TSBP1: variants seen among roughly 807,000 people sequenced by gnomAD.
TSBP1 encodes testis-expressed basic protein 1.
A neutral mutation model predicts 68.8 loss-of-function variants in TSBP1; 56 were observed. The observed-to-expected ratio is 0.81, with a 90% CI of 0.66 to 1.02. The LOEUF is 1.02. Ranked by LOEUF, TSBP1 falls within the 50% of genes least tolerant of loss-of-function variation. The pLI is 0.00. For missense variants in TSBP1, 502 were observed against 641.2 expected (o/e 0.78, Z 2.34); for synonymous variants, 171 against 208.7 (o/e 0.82, Z 1.56).
chr6:32,355,263 G>T, intron 7 of TSBP1, 119 bp from the exon 8 acceptor site: 1 of 972,554 alleles, frequency 1.0e-6, no homozygotes, highest in Non-Finnish European at 1.6e-6. Flanking sequence ...GGCCCCGGGA[G>T]TCATCACTGA....
intron 9 of TSBP1, among the ~76,000 whole-genome samples, chr6:32,346,752 C>T (rs1771048063): frequency 6.6e-6 from 1 of 152,060 alleles, no homozygotes; most frequent in Non-Finnish European, 1.5e-5. Context: ...GCACAAGAAT[C>T]GCTTGAACCC....
intron 3 of TSBP1, 54 bp from the exon 4 acceptor site, chr6:32,368,011 T>C: frequency 5.7e-6 from 8 of 1,405,530 alleles, no homozygotes; most frequent in Non-Finnish European, 7.0e-6. Flanking sequence ...AAATGAGGCT[T>C]TATTTAAGAC....
intron 16 of TSBP1, 83 bp downstream of exon 17, chr6:32,330,506 G>A: frequency 1.6e-6 from 2 of 1,281,008 alleles, no homozygotes. Flanking sequence ...ACACATCTAG[G>A]GCATTTGAGA....
intron 1 of TSBP1, among the ~76,000 whole-genome samples, 168 bp downstream of exon 1, chr6:32,371,526 T>A (rs916213901): frequency 2.6e-5 from 4 of 152,026 alleles, no homozygotes; most frequent in Non-Finnish European, 4.4e-5. Flanking sequence ...GTGGGTTGTT[T>A]CCCCCAGGCT....
rs112790956 is a variant in TSBP1 at position 32,299,927 on chromosome 6, G to C, written c.632C>G (p.Pro211Arg). 2.6e-3 allele frequency: 4,200 copies of C among 1,609,560 alleles called. 12 individuals are homozygous for C. Among genetic ancestry groups the C allele is most frequent in the Non-Finnish European group, 2.8e-3 (3,240 of 1,175,868 alleles). Residue 211 changes from proline to arginine, a missense_variant, in exon 22 of 23, where the codon CCT (proline) becomes CGT (arginine). Coordinates refer to ENST00000612031, the Ensembl canonical transcript of TSBP1. ...AGAATAGATATGGAACTTACCCACA[G>C]GAGTCAGTGCTAAAAACAAAACACA...
At chr6:32,330,139 G>T (rs1768788408) in intron 16 of TSBP1, among the ~76,000 whole-genome samples, 1 of 152,180 alleles carries the variant, frequency 6.6e-6, no homozygotes, top group African/African-American at 2.4e-5. Context: ...TAGAACTCAG[G>T]TTAGACTAGA....
intron 6 of TSBP1, among the ~76,000 whole-genome samples, chr6:32,362,889 T>C (rs1773221595): frequency 6.6e-6 from 1 of 152,222 alleles, no homozygotes; most frequent in Admixed American, 6.5e-5. Flanking sequence ...ACATTTATCC[T>C]TTCCCTATTG....
chr6:32,370,847 AAAAAG>A (rs1430575589), intron 1 of TSBP1, among the ~76,000 whole-genome samples: 1 of 79,886 alleles, frequency 1.3e-5, no homozygotes, highest in Non-Finnish European at 2.6e-5. Flanking sequence ...GGGGGAGAAA[AAAAAG>A]AAAAGAGAGA....
intron 22 of TSBP1, among the ~76,000 whole-genome samples, chr6:32,296,957 T>C (rs1216355844): frequency 6.6e-6 from 1 of 152,200 alleles, no homozygotes; most frequent in Non-Finnish European, 1.5e-5. Flanking sequence ...TCTAATAGAA[T>C]CTTCATACCC....
chr6:32,366,501 C>T (rs993531437), intron 4 of TSBP1, 199 bp from the exon 5 acceptor site: 33 of 608,272 alleles, frequency 5.4e-5, no homozygotes, highest in Admixed American at 1.0e-4. Context: ...TGGTGGCTCA[C>T]GCCTATGTTC....
chr6:32,330,557 C>A (rs753658897), intron 16 of TSBP1, 32 bp downstream of exon 17: 4 of 1,601,918 alleles, frequency 2.5e-6, no homozygotes, highest in South Asian at 2.2e-5. Flanking sequence ...GATCAAGGAA[C>A]CTGGAGGGAG....
At position 32,325,244 on chromosome 6, in the gene TSBP1, A is replaced by G; in HGVS notation, c.515-1630T>C. The stretch of plus-strand genomic sequence containing the variant: ...TTATCTAAGTCAGAGTCTCCTAAAG[A>G]GCCAGAACAACTGAGGAAGCTCTTC... On this transcript the variant is annotated intron_variant, in intron 16 of 22. Transcript: ENST00000612031. This position sits in a 1 kb window ranked among gnomAD's most constrained non-coding sequence, Gnocchi z 4.4. 1 of 1,002,868 alleles carries G rather than the reference A, an allele frequency of 1.0e-6. No individual in the cohort carries two copies. Among genetic ancestry groups the G allele is most frequent in the Non-Finnish European group, 1.5e-6 (1 of 672,898 alleles). 62.1% of individuals were successfully genotyped at this position (1,002,868 alleles called of 1,614,324 possible). A position where few individuals can be genotyped will look rare whatever the true frequency, so the allele number is the denominator to read the frequency against.
At chr6:32,311,102 C>T (rs898874548) in intron 19 of TSBP1, among the ~76,000 whole-genome samples, 6 of 152,082 alleles carry the variant, frequency 3.9e-5, no homozygotes, top group Non-Finnish European at 7.4e-5. Flanking sequence ...CCCCCCTTTA[C>T]TGGTTCTCCT....
rs1213922959 is a variant in TSBP1, at chr6:32,315,856, T to C, written c.560-64A>G. The C allele has an allele frequency of 1.9e-5, 21 of 1,107,900 alleles. No homozygotes were observed. The Admixed American group carries it at 4.3e-4, about 23-fold the overall frequency. The allele number at this position is 1,107,900 out of a possible 1,614,324, so 68.6% of individuals were successfully genotyped here. On this transcript the variant is annotated intron_variant, in intron 18 of 22. Coordinates refer to ENST00000612031, the Ensembl canonical transcript of TSBP1. The surrounding 1 kb of genome is among the most constrained non-coding windows in gnomAD (Gnocchi z 5.4). The stretch of plus-strand genomic sequence containing the variant: ...CAAATGGAGAAAACATAGCATTATC[T>C]AACATATTTTGTTGGAGTCTGTGAG...
At chr6:32,327,654 C>CTTTTTTTTTTTT (rs9281739) in intron 16 of TSBP1, among the ~76,000 whole-genome samples, 1 of 146,994 alleles carries the variant, frequency 6.8e-6, no homozygotes, top group Non-Finnish European at 1.5e-5. Context: ...TTTTCTTTTT[C>CTTTTTTTTTTTT]TTTTTTTTTT....
At chr6:32,322,613 C>A in intron 18 of TSBP1, 107 bp from the exon 20 acceptor site, 1 of 804,658 alleles carries the variant, frequency 1.2e-6, no homozygotes, top group South Asian at 1.5e-5. Flanking sequence ...CTTGGGTGGG[C>A]AGTGAAGGAG....
At chr6:32,317,745 C>G (rs1285474093) in intron 18 of TSBP1, among the ~76,000 whole-genome samples, 1 of 152,160 alleles carries the variant, frequency 6.6e-6, no homozygotes, top group Non-Finnish European at 1.5e-5. Flanking sequence ...CAAGTCAAAA[C>G]CACAATGAGA....
At position 32,361,863 on chromosome 6, in the gene TSBP1, A is replaced by G. The variant is rs1463200742; in HGVS notation, c.217+4304T>C. Reference sequence around the variant, plus strand: ...CTCTCCGAAACTCATGTTGAAACTTAATCCTCAATGTGACAGCATTGAGAA... The same window carrying G: ...CTCTCCGAAACTCATGTTGAAACTTGATCCTCAATGTGACAGCATTGAGAA... On this transcript the variant is annotated intron_variant, in intron 6 of 22. Transcript: ENST00000612031. This position sits in a 1 kb window ranked among gnomAD's most constrained non-coding sequence, Gnocchi z 4.3. Among the ~76,000 whole-genome samples, 1 of 152,114 alleles carries G rather than the reference A, an allele frequency of 6.6e-6. No individual in the cohort carries two copies. The highest frequency in any genetic ancestry group is 1.5e-5 in the Non-Finnish European group (1 of 68,026).
rs1562075680 is a variant in TSBP1 at position 32,308,957 on chromosome 6, C to CCTTTTTTTTTTTTTTTTTTTTTTTT, written c.581-6329_581-6328insAAAAAAAAAAAAAAAAAAAAAAAAG. ...TCTCCTTCTCCTTCTTTTCTTCCTGCTTTTTTTTTTTTTTTTTTGACAGGG... is the reference window on the plus strand; with the variant it reads ...TCTCCTTCTCCTTCTTTTCTTCCTGCCTTTTTTTTTTTTTTTTTTTTTTTTTTTTTTTTTTTTTTTTTTGACAGGG... On this transcript the variant is annotated intron_variant, in intron 19 of 22. Coordinates refer to ENST00000612031, the Ensembl canonical transcript of TSBP1. Among the ~76,000 whole-genome samples, 2 of 122,050 alleles carry CCTTTTTTTTTTTTTTTTTTTTTTTT rather than the reference C, an allele frequency of 1.6e-5. 1 individual carries two copies. 80.1% of individuals were successfully genotyped at this position (122,050 alleles called of 152,430 possible).
Sources: gnomAD v4.1 joint callset for allele counts (sites outside exome capture counted in the v4.1 genomes callset) on GRCh38, gnomAD v4.1.1 for gene constraint, Gnocchi (gnomAD v3.1) non-coding constraint, MANE v1.5 for transcripts, NCBI Gene and HGNC (gene_info 2026-07-23, HGNC 2026-07-21) for gene names.